The following CPS1 variants were observed in gnomAD, a reference collection of about 807,000 sequenced individuals.
CPS1 encodes carbamoyl-phosphate synthase 1.
CPS1 carries 109 observed loss-of-function variants against 174.6 expected under a neutral mutation model. The observed-to-expected ratio is 0.62, with a 90% confidence interval of 0.53 to 0.73. The LOEUF (loss-of-function observed/expected upper bound fraction) is 0.73. CPS1 is among the 30% of genes least tolerant of loss of function. The probability of loss-of-function intolerance (pLI) is 0.00; values close to 1 mark genes in which losing one functional copy is unlikely to be tolerated. For missense variants in CPS1, 1,689 were observed against 1,821.9 expected, an observed-to-expected ratio of 0.93 and a Z score of 1.33; for synonymous variants, 637 against 632.0, an observed-to-expected ratio of 1.01 and a Z score of -0.12.
intron 29 of CPS1, among the ~76,000 whole-genome samples, chr2:210,655,610 TCTTA>T (rs1700679205): frequency 6.6e-6 from 1 of 152,148 alleles, no homozygotes; most frequent in Non-Finnish European, 1.5e-5. Context: ...AAAAATGAGC[TCTTA>T]CTTATATGTG....
intron 21 of CPS1, among the ~76,000 whole-genome samples, chr2:210,633,356 TTC>T (rs1445151244): frequency 1.3e-5 from 2 of 152,174 alleles, no homozygotes; most frequent in African/African-American, 4.8e-5. Context: ...CCTTTTTCTT[TTC>T]TCTCTTCTTT....
Position 210,573,205 on chromosome 2 carries a change from T to A in CPS1, c.127-93T>A, listed in dbSNP as rs115329306. ...ATGGTTTCATTAAATATACTGTGCC[T>A]TTATTTAATATGTCTGTGTATTTTA... On this transcript the variant is annotated intron_variant, in intron 1 of 37. Coordinates refer to ENST00000233072, the MANE Select transcript of CPS1 (RefSeq NM_001875.5). 4,255 of 1,121,552 alleles carry A rather than the reference T, an allele frequency of 3.8e-3. 97 individuals are homozygous for A. The African/African-American group carries it at 0.057, about 15-fold the overall frequency. 69.5% of individuals were successfully genotyped at this position (1,121,552 alleles called of 1,614,324 possible).
chr2:210,641,501 C>T (rs1208382579), intron 24 of CPS1, among the ~76,000 whole-genome samples: 1 of 152,142 alleles, frequency 6.6e-6, no homozygotes, highest in African/African-American at 2.4e-5. Flanking sequence ...AAAGGCCCCA[C>T]CTCCCAGCAC....
At chr2:210,508,279 C>G (rs1457037302) in intron 1 of CPS1, among the ~76,000 whole-genome samples, 1 of 151,922 alleles carries the variant, frequency 6.6e-6, no homozygotes, top group African/African-American at 2.4e-5. Context: ...TGAGTGACTA[C>G]TGGGTACATA....
chr2:210,604,511 T>C (rs1048833862), intron 16 of CPS1, among the ~76,000 whole-genome samples: 1 of 151,956 alleles, frequency 6.6e-6, no homozygotes. Flanking sequence ...ATACATGATA[T>C]ATGACTCAGA....
At chr2:210,480,700 A>G (rs1390540729) in intron 1 of CPS1, among the ~76,000 whole-genome samples, 1 of 152,132 alleles carries the variant, frequency 6.6e-6, no homozygotes, top group African/African-American at 2.4e-5. Context: ...AATCAAGCAA[A>G]TGGTTTTTAC....
intron 6 of CPS1, among the ~76,000 whole-genome samples, chr2:210,585,996 C>T (rs1474220179): frequency 1.3e-5 from 2 of 151,552 alleles, no homozygotes; most frequent in Non-Finnish European, 2.9e-5. Context: ...GTATAGAGGA[C>T]ATTTCATAAG....
At chr2:210,495,235 G>C (rs1694962545) in intron 1 of CPS1, among the ~76,000 whole-genome samples, 2 of 152,136 alleles carry the variant, frequency 1.3e-5, no homozygotes, top group African/African-American at 2.4e-5. Flanking sequence ...TTGGGGAGCA[G>C]AGGAACCTCT....
intron 28 of CPS1, among the ~76,000 whole-genome samples, chr2:210,652,441 C>T (rs953098492): frequency 1.3e-5 from 2 of 151,854 alleles, no homozygotes; most frequent in Admixed American, 6.6e-5. Flanking sequence ...GACAGTGCCT[C>T]GGATTAGAGT....
Position 210,676,997 on chromosome 2 carries a change from A to G in CPS1, c.4275-10A>G, listed in dbSNP as rs41272673. 69,209 of 1,611,978 alleles carry G rather than the reference A, an allele frequency of 0.043. 1,727 individuals are homozygous for G. The highest frequency in any genetic ancestry group is 0.051 in the Non-Finnish European group (59,959 of 1,178,128). On this transcript the variant is annotated splice_polypyrimidine_tract_variant and intron_variant, in intron 36 of 37. Transcript: ENST00000233072. ...CCTTGTTGTCTATAAGTTTTTGTTTATTTTTCCAGATTGATTAGAGATGGC... is the reference window on the plus strand; with the variant it reads ...CCTTGTTGTCTATAAGTTTTTGTTTGTTTTTCCAGATTGATTAGAGATGGC...
chr2:210,568,408 T>C (rs1440867016), intron 1 of CPS1, among the ~76,000 whole-genome samples: 2 of 152,000 alleles, frequency 1.3e-5, no homozygotes, highest in African/African-American at 4.8e-5. Context: ...CTATATTTCA[T>C]AGGACAGGTA....
intron 1 of CPS1, among the ~76,000 whole-genome samples, chr2:210,523,972 G>A (rs972744710): frequency 1.3e-5 from 2 of 151,956 alleles, no homozygotes; most frequent in Non-Finnish European, 2.9e-5. Context: ...AATGCAGTCC[G>A]CATTCTATGA....
intron 14 of CPS1, among the ~76,000 whole-genome samples, chr2:210,599,880 T>C (rs188107958): frequency 6.6e-6 from 1 of 152,054 alleles, no homozygotes; most frequent in East Asian, 2.0e-4. Context: ...CTATTATGAA[T>C]GAAAAATGAG....
chr2:210,620,290 A>C (rs925980748), intron 21 of CPS1, among the ~76,000 whole-genome samples: 1 of 152,136 alleles, frequency 6.6e-6, no homozygotes, highest in African/African-American at 2.4e-5. Flanking sequence ...AACTAGGTAG[A>C]TATTATGGAA....
intron 6 of CPS1, among the ~76,000 whole-genome samples, chr2:210,585,398 TA>T (rs1698072616): frequency 6.6e-6 from 1 of 152,010 alleles, no homozygotes; most frequent in Non-Finnish European, 1.5e-5. Flanking sequence ...GTCTTATTAA[TA>T]AAAAATAGGC....
chr2:210,560,793 CTCAT>C (rs1313141228), intron 1 of CPS1, among the ~76,000 whole-genome samples: 2 of 152,126 alleles, frequency 1.3e-5, no homozygotes, highest in African/African-American at 4.8e-5. Context: ...GGAAATATAA[CTCAT>C]TATCATATTG....
rs1172829995 is a variant in CPS1, at chr2:210,512,786, GGA to G, written c.3+35029_3+35030del. On this transcript the variant is annotated intron_variant, in intron 1 of 38. Transcript: ENST00000430249. ...TATATATATATATATATATATATAT[GGA>G]GAGAGAGATATATATATATGGAGAG... 9.4e-5 allele frequency among the ~76,000 whole-genome samples: 6 copies of G among 63,768 alleles called. 1 individual carries two copies. The highest frequency in any genetic ancestry group is 1.7e-4 in the Admixed American group (1 of 5,898). The allele number at this position is 63,768 out of a possible 152,430, so 41.8% of individuals were successfully genotyped here. A position where few individuals can be genotyped will look rare whatever the true frequency, so the allele number is the denominator to read the frequency against.
chr2:210,670,012 C>T (rs1701243844), intron 34 of CPS1, among the ~76,000 whole-genome samples: 1 of 151,972 alleles, frequency 6.6e-6, no homozygotes, highest in Non-Finnish European at 1.5e-5. Flanking sequence ...GTAATTTTGG[C>T]ATTAGTGGAC....
intron 21 of CPS1, among the ~76,000 whole-genome samples, chr2:210,625,925 A>T (rs538120478): frequency 6.6e-6 from 1 of 152,162 alleles, no homozygotes; most frequent in East Asian, 1.9e-4. Context: ...AAGAAGAAAA[A>T]CTAAAGTGGA....
Sources: gnomAD v4.1 joint callset for allele counts (sites outside exome capture counted in the v4.1 genomes callset) on GRCh38, gnomAD v4.1.1 for gene constraint, MANE v1.5 for transcripts, NCBI Gene and HGNC (gene_info 2026-07-23, HGNC 2026-07-21) for gene names.